Variants in CPQ observed in about 807,000 individuals in gnomAD.
The protein encoded by CPQ is Ser-Met dipeptidase.
Under a neutral mutation model 45.7 loss-of-function variants are expected in CPQ, and 37 were observed. That is an observed-to-expected ratio of 0.81 (90% CI 0.62 to 1.07). The LOEUF (loss-of-function observed/expected upper bound fraction) is 1.07. Among genes scored for constraint, CPQ ranks in the 50% least tolerant of loss-of-function variants. CPQ has a pLI of 0.00. For missense variants in CPQ, 537 were observed against 572.9 expected (o/e 0.94, Z 0.64); for synonymous variants, 186 against 205.8 (o/e 0.90, Z 0.82).
At chr8:96,651,302 A>G (rs1815573475) in intron 1 of CPQ, among the ~76,000 whole-genome samples, 3 of 152,198 alleles carry the variant, frequency 2.0e-5, no homozygotes, top group Admixed American at 1.3e-4. Flanking sequence ...AAATTCACCA[A>G]TATAGTGAGC....
intron 4 of CPQ, among the ~76,000 whole-genome samples, chr8:96,924,018 A>AT (rs1193634181): frequency 1.3e-5 from 2 of 152,170 alleles, no homozygotes; most frequent in African/African-American, 4.8e-5. Context: ...AATCCCTGGC[A>AT]TTTTCAGGAT....
At chr8:96,758,969 G>A (rs1229367798) in intron 1 of CPQ, among the ~76,000 whole-genome samples, 1 of 152,154 alleles carries the variant, frequency 6.6e-6, no homozygotes, top group Non-Finnish European at 1.5e-5. Context: ...GGGGATAGAA[G>A]TGAGCTCCTA....
intron 4 of CPQ, among the ~76,000 whole-genome samples, chr8:96,903,014 T>A (rs1812532800): frequency 1.3e-5 from 2 of 152,214 alleles, no homozygotes; most frequent in Admixed American, 6.5e-5. Context: ...AGGATAGTGA[T>A]CCTTCAGTTG....
chr8:96,659,368 C>T (rs761981431), intron 1 of CPQ: 1 of 152,168 alleles, frequency 6.6e-6, no homozygotes, highest in Non-Finnish European at 1.5e-5. Context: ...CCTGTCTCTC[C>T]AGATTTTAGG....
chr8:96,879,968 C>G lies in CPQ; in HGVS notation c.812C>G (p.Thr271Ser), dbSNP rs774757454. 9 of 1,613,906 alleles carry G rather than the reference C, an allele frequency of 5.6e-6. No homozygotes were observed. In the South Asian group the frequency reaches 8.8e-5, roughly 16 times the overall value. Residue 271 changes from threonine to serine, a missense_variant, in exon 4 of 8, where the codon ACT (threonine) becomes AGT (serine). By Grantham distance (58) the Thr-to-Ser change is moderately conservative. Coordinates refer to ENST00000220763, the MANE Select transcript of CPQ (RefSeq NM_016134.4). ...KTYPDTDSFN[T>S]VAEITGSKYP... ...TACCCAGATACTGATTCCTTCAACACTGTAGCAGAGATCACTGGGAGCAAA... is the reference window on the plus strand; with the variant it reads ...TACCCAGATACTGATTCCTTCAACAGTGTAGCAGAGATCACTGGGAGCAAA...
At chr8:97,097,234 T>G (rs1811223967) in intron 7 of CPQ, among the ~76,000 whole-genome samples, 1 of 152,114 alleles carries the variant, frequency 6.6e-6, no homozygotes. Context: ...TTTTCTAAGG[T>G]CAAATTCCTA....
At chr8:97,050,770 T>C (rs542302749) in intron 6 of CPQ, among the ~76,000 whole-genome samples, 13 of 152,282 alleles carry the variant, frequency 8.5e-5, no homozygotes, top group African/African-American at 3.1e-4. Flanking sequence ...TTGTACCCAT[T>C]GTCCTGACAT....
intron 3 of CPQ, among the ~76,000 whole-genome samples, chr8:96,864,126 G>A (rs1811965533): frequency 6.6e-6 from 1 of 151,968 alleles, no homozygotes; most frequent in Admixed American, 6.6e-5. Context: ...GGAGAGGGTG[G>A]TTTGTGCCAA....
chr8:97,047,700 G>C (rs1384608539), intron 6 of CPQ, among the ~76,000 whole-genome samples: 1 of 151,996 alleles, frequency 6.6e-6, no homozygotes, highest in Non-Finnish European at 1.5e-5. Context: ...TTTAGTTTGG[G>C]GCATTTTCTA....
chr8:96,722,763 C>T (rs7815831), intron 1 of CPQ, among the ~76,000 whole-genome samples: 1,673 of 152,210 alleles, frequency 0.011, 31 homozygotes, highest in African/African-American at 0.038. Context: ...TACTCCTCTC[C>T]GTATAGTGAC....
At chr8:96,758,970 T>C (rs746603774) in intron 1 of CPQ, among the ~76,000 whole-genome samples, 1 of 152,172 alleles carries the variant, frequency 6.6e-6, no homozygotes, top group Non-Finnish European at 1.5e-5. Context: ...GGGATAGAAG[T>C]GAGCTCCTAC....
chr8:96,707,494 C>G (rs564759118), intron 1 of CPQ, among the ~76,000 whole-genome samples: 1 of 151,980 alleles, frequency 6.6e-6, no homozygotes, highest in South Asian at 2.1e-4. Context: ...CATCAGCTAT[C>G]CTTAGTGTTA....
At chr8:96,841,085 C>T (rs1374068520) in intron 3 of CPQ, among the ~76,000 whole-genome samples, 2 of 152,022 alleles carry the variant, frequency 1.3e-5, no homozygotes, top group African/African-American at 4.8e-5. Flanking sequence ...GATATTTGAG[C>T]TGATGATCCC....
chr8:96,717,024 AATATATATATAT>A (rs58338307), intron 1 of CPQ, among the ~76,000 whole-genome samples: 600 of 56,508 alleles, frequency 0.011, 14 homozygotes, highest in East Asian at 0.052. Flanking sequence ...CCATGATATA[AATATATATATAT>A]ATATATATAT....
Position 97,099,450 on chromosome 8 carries a change from C to T in CPQ, c.1255+33240C>T, listed in dbSNP as rs574901719. ...CTGGCCCCAAAACTCCCTTTCTGAT[C>T]ACATCCTATCAGGCTTAGAAGGGGC... is the stretch of plus-strand genomic sequence containing the variant. On this transcript the variant is annotated intron_variant, in intron 7 of 7. Coordinates refer to ENST00000220763, the MANE Select transcript of CPQ (RefSeq NM_016134.4). 5.5e-4 allele frequency among the ~76,000 whole-genome samples: 84 copies of T among 152,050 alleles called. 2 individuals carry two copies. In the South Asian group the frequency reaches 0.017, roughly 31 times the overall value.
At chr8:96,767,477 C>T (rs924496344) in intron 1 of CPQ, among the ~76,000 whole-genome samples, 13 of 126,778 alleles carry the variant, frequency 1.0e-4, no homozygotes, top group African/African-American at 4.0e-4. Context: ...GCAGTGGGCA[C>T]TTGGGCTCCA....
intron 7 of CPQ, among the ~76,000 whole-genome samples, chr8:97,070,186 C>G (rs16895203): frequency 0.028 from 4,302 of 152,222 alleles, 210 homozygotes; most frequent in African/African-American, 0.097. Context: ...TCTCTAAATC[C>G]TCAGTGCTCT....
intron 4 of CPQ, among the ~76,000 whole-genome samples, chr8:96,917,660 A>G (rs1405512658): frequency 6.6e-6 from 1 of 152,148 alleles, no homozygotes; most frequent in Non-Finnish European, 1.5e-5. Flanking sequence ...TTCTCAGCTG[A>G]AAGAACAAGA....
intron 1 of CPQ, among the ~76,000 whole-genome samples, chr8:96,721,406 C>T (rs905063514): frequency 3.9e-5 from 6 of 152,034 alleles, no homozygotes; most frequent in Non-Finnish European, 7.4e-5. Context: ...CTGTTTTGCC[C>T]AGTTTTATGG....
Sources: allele counts gnomAD v4.1 joint callset (sites outside exome capture counted in the v4.1 genomes callset), GRCh38; gene constraint gnomAD v4.1.1; transcripts MANE v1.5; gene names NCBI Gene and HGNC (gene_info 2026-07-23, HGNC 2026-07-21).